The following ARHGEF38 variants were observed in gnomAD, a reference collection of about 807,000 sequenced individuals.
ARHGEF38 encodes the protein Rho guanine nucleotide exchange factor 38.
Under a neutral mutation model 79.9 loss-of-function variants are expected in ARHGEF38, and 79 were observed. The observed-to-expected ratio is 0.99, with a 90% CI of 0.82 to 1.19. The LOEUF is 1.19. Ranked by LOEUF, ARHGEF38 falls within the 50% of genes most tolerant of loss-of-function variation. The probability of loss-of-function intolerance (pLI) is 0.00; values close to 1 mark genes in which losing one functional copy is unlikely to be tolerated. For missense variants in ARHGEF38, 962 were observed against 907.2 expected, an observed-to-expected ratio of 1.06 and a Z score of -0.78; for synonymous variants, 366 against 328.3, an observed-to-expected ratio of 1.11 and a Z score of -1.24.
At position 105,589,394 on chromosome 4, in the gene ARHGEF38, C is replaced by G. The variant is rs756237394; in HGVS notation, c.343C>G (p.Leu115Val). The G allele has an allele frequency of 6.2e-7, 1 of 1,613,748 alleles. No homozygotes were observed. Among genetic ancestry groups the G allele is most frequent in the Admixed American group, 1.7e-5 (1 of 59,966 alleles). The change falls in exon 2 of 14, where the codon CTG (leucine) becomes GTG (valine). Residue 115 changes from leucine to valine, a missense_variant. Transcript: ENST00000420470. Reference sequence around the variant, plus strand: ...AAAGGATTATCTCAATGATCTAGAGCTGTGTGTTAGGGAAGTGGTTCAGCC... The same window carrying G: ...AAAGGATTATCTCAATGATCTAGAGGTGTGTGTTAGGGAAGTGGTTCAGCC... ...TEKDYLNDLE[L>V]CVREVVQPLR...
rs2110577141 is a variant in ARHGEF38 at position 105,667,151 on chromosome 4, A to T, written c.1712A>T (p.Asp571Val). 1 of 1,534,250 alleles carries T rather than the reference A, an allele frequency of 6.5e-7. No homozygotes were observed. The highest frequency in any genetic ancestry group is 8.7e-7 in the Non-Finnish European group (1 of 1,145,578). The change falls in exon 12 of 14, where the codon GAC (aspartate) becomes GTC (valine). Residue 571 changes from aspartate to valine, a missense_variant. Asp to Val is a radical substitution (Grantham distance 152, BLOSUM62 -3). Coordinates refer to ENST00000420470, the MANE Select transcript of ARHGEF38 (RefSeq NM_001242729.2). ...QILPEMPHQTDIHRSKLLSTY... is the reference protein window; with the variant it reads ...QILPEMPHQTVIHRSKLLSTY... ...CAGCCAGAAATGCCACATCAAACTG[A>T]CATTCATCGCTCCAAACTTCTATCC...
intron 13 of ARHGEF38, among the ~76,000 whole-genome samples, chr4:105,673,807 A>G (rs1225508691): frequency 6.6e-6 from 1 of 152,096 alleles, no homozygotes; most frequent in Non-Finnish European, 1.5e-5. Flanking sequence ...TTTACTTAAA[A>G]TTTTTTTCTT....
intron 13 of ARHGEF38, among the ~76,000 whole-genome samples, chr4:105,667,913 G>A (rs576883133): frequency 1.3e-5 from 2 of 152,298 alleles, no homozygotes; most frequent in African/African-American, 2.4e-5. Flanking sequence ...GATAAAGTGT[G>A]TATGTAAAGT....
intron 13 of ARHGEF38, among the ~76,000 whole-genome samples, chr4:105,677,180 G>C (rs1731153169): frequency 6.6e-6 from 1 of 152,044 alleles, no homozygotes; most frequent in South Asian, 2.1e-4. Flanking sequence ...GGTCATGCTG[G>C]TCTTGTACTA....
At chr4:105,629,830 G>A (rs778785813) in intron 3 of ARHGEF38, among the ~76,000 whole-genome samples, 44 of 152,040 alleles carry the variant, frequency 2.9e-4, no homozygotes, top group Non-Finnish European at 5.3e-4. Flanking sequence ...GTTGCTTTAC[G>A]AAGATACAGT....
intron 3 of ARHGEF38, among the ~76,000 whole-genome samples, chr4:105,619,358 G>A (rs1308256267): frequency 6.6e-6 from 1 of 151,890 alleles, no homozygotes; most frequent in Non-Finnish European, 1.5e-5. Flanking sequence ...CAGCTGGCCA[G>A]CTGGCCCCCA....
Position 105,655,588 on chromosome 4 carries a change from G to A in ARHGEF38, c.1114-15G>A, listed in dbSNP as rs1343198828. ...CAAAACTTGCCTTTTTTGTAACTTT[G>A]TTCTTGGGTTTCAGGATGCCATGCC... On this transcript the variant is annotated splice_polypyrimidine_tract_variant and intron_variant, in intron 8 of 13. Coordinates refer to ENST00000420470, the MANE Select transcript of ARHGEF38 (RefSeq NM_001242729.2). The A allele has an allele frequency of 1.3e-6, 2 of 1,531,240 alleles. No individual in the cohort carries two copies. Among genetic ancestry groups the A allele is most frequent in the Admixed American group, 2.0e-5 (1 of 50,002 alleles). The allele number at this position is 1,531,240 out of a possible 1,614,324, so 94.9% of individuals were successfully genotyped here.
intron 3 of ARHGEF38, among the ~76,000 whole-genome samples, chr4:105,613,910 A>G (rs867571410): frequency 2.6e-5 from 4 of 152,126 alleles, no homozygotes; most frequent in African/African-American, 4.8e-5. Context: ...TTTTTAGATT[A>G]TAAACTTCTT....
chr4:105,583,505 T>A (rs1047442501), intron 1 of ARHGEF38, among the ~76,000 whole-genome samples: 14 of 152,198 alleles, frequency 9.2e-5, no homozygotes, highest in Non-Finnish European at 1.9e-4. Context: ...CTCCCAGATA[T>A]CTGCATGACT....
chr4:105,671,389 GAA>G (rs1241769090), intron 13 of ARHGEF38, among the ~76,000 whole-genome samples: 1 of 152,170 alleles, frequency 6.6e-6, no homozygotes, highest in Non-Finnish European at 1.5e-5. Flanking sequence ...CTACAAGGGA[GAA>G]GAGAAGGCCG....
chr4:105,627,255 C>T lies in ARHGEF38; in HGVS notation c.509-3643C>T, dbSNP rs550732504. Among the ~76,000 whole-genome samples, 17 of 152,172 alleles carry T rather than the reference C, an allele frequency of 1.1e-4. No homozygotes were observed. In the South Asian group the frequency reaches 3.1e-3, roughly 28 times the overall value. On this transcript the variant is annotated intron_variant, in intron 3 of 13. Coordinates refer to ENST00000420470, the MANE Select transcript of ARHGEF38 (RefSeq NM_001242729.2). ...TTATGGCATTTTCCTAAACAAAACC[C>T]GGGACAAGGAGATCCCTTGAAAATC...
At chr4:105,677,704 T>G (rs938746378) in intron 13 of ARHGEF38, 48 bp from the exon 14 acceptor site, 35 of 1,350,952 alleles carry the variant, frequency 2.6e-5, no homozygotes, top group Non-Finnish European at 2.5e-5. Context: ...ATGTTTCTCT[T>G]AATATTCAGG....
chr4:105,566,752 C>CT (rs70938197), intron 1 of ARHGEF38, among the ~76,000 whole-genome samples: 115,763 of 140,712 alleles, frequency 0.82, 47,896 homozygotes, highest in East Asian at 0.91. Context: ...TGGCAGCCAT[C>CT]TTTTTTTTTT....
intron 13 of ARHGEF38, among the ~76,000 whole-genome samples, chr4:105,673,886 G>A (rs1731036222): frequency 6.6e-6 from 1 of 152,108 alleles, no homozygotes; most frequent in Non-Finnish European, 1.5e-5. Flanking sequence ...TGCTCCTGAA[G>A]GGTAAGAGAG....
intron 2 of ARHGEF38, among the ~76,000 whole-genome samples, chr4:105,597,278 G>T (rs2110470146): frequency 6.6e-6 from 1 of 152,192 alleles, no homozygotes. Context: ...CTAAAATTTT[G>T]CCCACATAAC....
chr4:105,669,968 T>C (rs1347423207), intron 13 of ARHGEF38, among the ~76,000 whole-genome samples: 1 of 152,222 alleles, frequency 6.6e-6, no homozygotes, highest in East Asian at 1.9e-4. Flanking sequence ...TATGTATATG[T>C]ACTTTGTTGC....
chr4:105,573,283 T>C (rs1726326020), intron 1 of ARHGEF38, among the ~76,000 whole-genome samples: 1 of 152,184 alleles, frequency 6.6e-6, no homozygotes, highest in Non-Finnish European at 1.5e-5. Context: ...GAAAAAAGCC[T>C]GAGCCTTTGT....
At chr4:105,641,784 T>C (rs1168169129) in intron 5 of ARHGEF38, among the ~76,000 whole-genome samples, 2 of 152,154 alleles carry the variant, frequency 1.3e-5, no homozygotes, top group African/African-American at 4.8e-5. Flanking sequence ...TAATTTTCAT[T>C]GTACTTTTTT....
chr4:105,552,840 A>ACT lies in ARHGEF38; in HGVS notation c.78_79dup (p.Tyr27SerfsTer25). 6.2e-7 allele frequency: 1 copy of ACT among 1,613,702 alleles called. No individual in the cohort carries two copies. Among genetic ancestry groups the ACT allele is most frequent in the Non-Finnish European group, 8.5e-7 (1 of 1,179,804 alleles). ...AGAATCTGGCCTTCTTGAGGTCTAG[A>ACT]CTCTATATGCTGGAGAGAAGGAAGA... On this transcript the variant is annotated frameshift_variant, in exon 1 of 14. Coordinates refer to ENST00000420470, the MANE Select transcript of ARHGEF38 (RefSeq NM_001242729.2). LOFTEE classifies it high-confidence loss of function.
Sources: allele counts gnomAD v4.1 joint callset (sites outside exome capture counted in the v4.1 genomes callset), GRCh38; gene constraint gnomAD v4.1.1; transcripts MANE v1.5; gene names NCBI Gene and HGNC (gene_info 2026-07-23, HGNC 2026-07-21).